DPH3: variants seen among roughly 807,000 people sequenced by gnomAD.
DPH3 encodes diphthamide biosynthesis protein 3.
Under a neutral mutation model 10.2 loss-of-function variants are expected in DPH3, and 8 were observed. The ratio of observed to expected loss-of-function variants is 0.79; its 90% CI spans 0.46 to 1.42. DPH3 has a LOEUF of 1.42. DPH3 is among the 40% of genes most tolerant of loss of function. DPH3 has a pLI of 0.00. For missense variants in DPH3, 96 were observed against 98.9 expected (o/e 0.97, Z 0.12); for synonymous variants, 35 against 35.6 (o/e 0.98, Z 0.06).
chr3:16,264,828 C>G lies in DPH3; in HGVS notation c.49G>C (p.Glu17Gln). The G allele has an allele frequency of 6.2e-7, 1 of 1,614,206 alleles. No individual in the cohort carries two copies. Among genetic ancestry groups the G allele is most frequent in the South Asian group, 1.1e-5 (1 of 91,082 alleles). Residue 17 changes from glutamate (E) to glutamine (Q), a missense_variant, in exon 1 of 3, where the codon GAG (glutamate) becomes CAG (glutamine). Glu to Gln is a conservative substitution (Grantham distance 29). Transcript: ENST00000488423. ...GGATAGAAATACGTCTCCGAGTCCT[C>G]GTCATATTGGAAGTCCTCGATTTCC... Reference protein sequence around the residue: ...EVEIEDFQYDEDSETYFYPCP... With the variant: ...EVEIEDFQYDQDSETYFYPCP...
rs1263502418 is a variant in DPH3 at position 16,258,483 on chromosome 3, T to C, written c.*2281A>G. 6.6e-6 allele frequency: 1 copy of C among 152,240 alleles called. No individual in the cohort carries two copies. Among genetic ancestry groups the C allele is most frequent in the Non-Finnish European group, 1.5e-5 (1 of 68,048 alleles). The allele number at this position is 152,240 out of a possible 1,614,324, so 9.4% of individuals were successfully genotyped here. A position where few individuals can be genotyped will look rare whatever the true frequency, so the allele number is the denominator to read the frequency against. On this transcript the variant is annotated 3_prime_UTR_variant, in exon 3 of 3. Transcript: ENST00000488423. ...GTCGTATCTCAGAGTCCAGTTTTACTCTGCTTTCTCTTTATTTTTTAGGCA... is the reference window on the plus strand; with the variant it reads ...GTCGTATCTCAGAGTCCAGTTTTACCCTGCTTTCTCTTTATTTTTTAGGCA...
In DPH3 at chr3:16,263,818, C is replaced by A. The variant is rs2064333817; in HGVS notation, c.183+337G>T. On this transcript the variant is annotated intron_variant, in intron 2 of 2. Transcript: ENST00000488423. The surrounding 1 kb of genome is among the most constrained non-coding windows in gnomAD (Gnocchi z 4.0). ...TACAATTGTTCCCTTCAAAGTAAGTCTAGCAGCTCTAAACAATTTTAATTA... is the reference window on the plus strand; with the variant it reads ...TACAATTGTTCCCTTCAAAGTAAGTATAGCAGCTCTAAACAATTTTAATTA... Among the ~76,000 whole-genome samples the A allele has an allele frequency of 6.6e-6, 1 of 152,102 alleles. No individual in the cohort carries two copies. Among genetic ancestry groups the A allele is most frequent in the Admixed American group, 6.5e-5 (1 of 15,280 alleles).
rs1243185038 is a variant in DPH3 at position 16,263,845 on chromosome 3, A to G, written c.183+310T>C. Among the ~76,000 whole-genome samples the G allele has an allele frequency of 6.6e-6, 1 of 152,268 alleles. No individual in the cohort carries two copies. The highest frequency in any genetic ancestry group is 1.5e-5 in the Non-Finnish European group (1 of 68,046). ...AGCAGCTCTAAACAATTTTAATTACATATTAAATAGAAGAGAAATATAAAA... is the reference window on the plus strand; with the variant it reads ...AGCAGCTCTAAACAATTTTAATTACGTATTAAATAGAAGAGAAATATAAAA... On this transcript the variant is annotated intron_variant, in intron 2 of 2. Coordinates refer to ENST00000488423, the MANE Select transcript of DPH3 (RefSeq NM_206831.3). The surrounding 1 kb of genome is among the most constrained non-coding windows in gnomAD (Gnocchi z 4.0).
At chr3:16,264,667 G>T in intron 1 of DPH3, 102 bp downstream of exon 1, 5 of 1,129,024 alleles carry the variant, frequency 4.4e-6, no homozygotes, top group South Asian at 2.9e-5. Flanking sequence ...GAAAGAGGGC[G>T]TGGGTGACAC....
rs1036406976 is a variant in DPH3, at chr3:16,259,020, G to C, written c.*1744C>G. 2 of 152,162 alleles carry C rather than the reference G, an allele frequency of 1.3e-5. No homozygotes were observed. Among genetic ancestry groups the C allele is most frequent in the South Asian group, 4.1e-4 (2 of 4,830 alleles). The allele number at this position is 152,162 out of a possible 1,614,324, so 9.4% of individuals were successfully genotyped here. A position where few individuals can be genotyped will look rare whatever the true frequency, so the allele number is the denominator to read the frequency against. On this transcript the variant is annotated 3_prime_UTR_variant, in exon 3 of 3. Coordinates refer to ENST00000488423, the MANE Select transcript of DPH3 (RefSeq NM_206831.3). Reference sequence around the variant, plus strand: ...TATGTTCTTAGCAAACCCACATCAAGGGTGTCTGTTCGTGTTTGAAACTCA... The same window carrying C: ...TATGTTCTTAGCAAACCCACATCAACGGTGTCTGTTCGTGTTTGAAACTCA...
rs1237866590 is a variant in DPH3, at chr3:16,263,547, T to G, written c.183+608A>C. Among the ~76,000 whole-genome samples the G allele has an allele frequency of 2.6e-5, 4 of 152,242 alleles. No individual in the cohort carries two copies. The South Asian group carries it at 8.3e-4, about 32-fold the overall frequency. ...CTCTGTGCCTCATCCCCACTTTCCC[T>G]ATATTCATTTTGGACTTCATCCTTG... On this transcript the variant is annotated intron_variant, in intron 2 of 2. Coordinates refer to ENST00000488423, the MANE Select transcript of DPH3 (RefSeq NM_206831.3). The surrounding 1 kb of genome is among the most constrained non-coding windows in gnomAD (Gnocchi z 4.0).
At chr3:16,264,090 G>A in intron 2 of DPH3, 65 bp downstream of exon 2, 2 of 1,178,394 alleles carry the variant, frequency 1.7e-6, no homozygotes, top group Admixed American at 2.1e-5. Flanking sequence ...TCACTGACAA[G>A]CTGATCTAAG....
rs1476648589 is a variant in DPH3, at chr3:16,260,226, A to T, written c.*538T>A. 6.5e-6 allele frequency: 1 copy of T among 153,072 alleles called. No homozygotes were observed. The highest frequency in any genetic ancestry group is 1.5e-5 in the Non-Finnish European group (1 of 68,632). The allele number at this position is 153,072 out of a possible 1,614,324, so 9.5% of individuals were successfully genotyped here. On this transcript the variant is annotated 3_prime_UTR_variant, in exon 3 of 3. Coordinates refer to ENST00000488423, the MANE Select transcript of DPH3 (RefSeq NM_206831.3). ...GCATTACAGAAATGACACGCTGAAC[A>T]GAACATGTCCATTCTAATGGGAAAA...
chr3:16,264,442 G>A, intron 1 of DPH3: 1 of 543,468 alleles, frequency 1.8e-6, no homozygotes, highest in East Asian at 3.0e-5. Context: ...GGCGAGCTTC[G>A]GTCGCCCCAA....
rs150961605 is a variant in DPH3, at chr3:16,258,793, G to A, written c.*1971C>T. The A allele has an allele frequency of 6.6e-6, 1 of 152,314 alleles. No homozygotes were observed. The highest frequency in any genetic ancestry group is 1.5e-5 in the Non-Finnish European group (1 of 68,022). The allele number at this position is 152,314 out of a possible 1,614,324, so 9.4% of individuals were successfully genotyped here. A position where few individuals can be genotyped will look rare whatever the true frequency, so the allele number is the denominator to read the frequency against. The stretch of plus-strand genomic sequence containing the variant: ...GCTTAACACAGGATTCAATCTTGAT[G>A]TGTTCTCCTACAGTTCACAAACTTA... On this transcript the variant is annotated 3_prime_UTR_variant, in exon 3 of 3. Transcript: ENST00000488423.
rs907918342 is a variant in DPH3 at position 16,261,946 on chromosome 3, C to T, written c.184-1117G>A. Reference sequence around the variant, plus strand: ...CCATATTCCAACCCCTCTGGACCTCCACCATATTCATCCTACCACCCTTTC... The same window carrying T: ...CCATATTCCAACCCCTCTGGACCTCTACCATATTCATCCTACCACCCTTTC... On this transcript the variant is annotated intron_variant, in intron 2 of 2. Coordinates refer to ENST00000488423, the MANE Select transcript of DPH3 (RefSeq NM_206831.3). This position sits in a 1 kb window ranked among gnomAD's most constrained non-coding sequence, Gnocchi z 7.1. 1.3e-5 allele frequency among the ~76,000 whole-genome samples: 2 copies of T among 151,988 alleles called. No individual in the cohort carries two copies. Among genetic ancestry groups the T allele is most frequent in the African/African-American group, 4.8e-5 (2 of 41,324 alleles).
rs1257893364 is a variant in DPH3 at position 16,263,906 on chromosome 3, TAATA to T, written c.183+245_183+248del. Among the ~76,000 whole-genome samples, 2 of 152,228 alleles carry T rather than the reference TAATA, an allele frequency of 1.3e-5. No individual in the cohort carries two copies. Among genetic ancestry groups the T allele is most frequent in the Admixed American group, 6.5e-5 (1 of 15,288 alleles). ...TAAAATAATCTATATACTTTCTATT[TAATA>T]AATAATAATTTTCACTAAAGCTAGA... On this transcript the variant is annotated intron_variant, in intron 2 of 2. Transcript: ENST00000488423. The surrounding 1 kb of genome is among the most constrained non-coding windows in gnomAD (Gnocchi z 4.0).
Position 16,261,551 on chromosome 3 carries a change from G to C in DPH3, c.184-722C>G, listed in dbSNP as rs574412359. Reference sequence around the variant, plus strand: ...ATCCCCAAGAGCACTGGTAATATCTGGAAACAGTTTGAATTGAAACAACTG... The same window carrying C: ...ATCCCCAAGAGCACTGGTAATATCTCGAAACAGTTTGAATTGAAACAACTG... On this transcript the variant is annotated intron_variant, in intron 2 of 2. Coordinates refer to ENST00000488423, the MANE Select transcript of DPH3 (RefSeq NM_206831.3). The surrounding 1 kb of genome is among the most constrained non-coding windows in gnomAD (Gnocchi z 7.1). 2.6e-5 allele frequency among the ~76,000 whole-genome samples: 4 copies of C among 152,216 alleles called. No homozygotes were observed. In the East Asian group the frequency reaches 7.7e-4, roughly 29 times the overall value.
chr3:16,264,263 A>G (rs772305626), intron 1 of DPH3, 34 bp from the exon 2 acceptor site: 153 of 1,552,340 alleles, frequency 9.9e-5, no homozygotes, highest in South Asian at 4.6e-4. Flanking sequence ...TGGTCAGGAT[A>G]GCTTCTCTTC....
Position 16,263,233 on chromosome 3 carries a change from T to C in DPH3, c.183+922A>G, listed in dbSNP as rs960098531. Among the ~76,000 whole-genome samples the C allele has an allele frequency of 6.6e-6, 1 of 152,168 alleles. No individual in the cohort carries two copies. The highest frequency in any genetic ancestry group is 2.4e-5 in the African/African-American group (1 of 41,428). ...TTGTTCCTTGATAAAATCAGGCATG[T>C]TCCTGTCTTAGGTCCCCTTCACTGA... On this transcript the variant is annotated intron_variant, in intron 2 of 2. Coordinates refer to ENST00000488423, the MANE Select transcript of DPH3 (RefSeq NM_206831.3). The surrounding 1 kb of genome is among the most constrained non-coding windows in gnomAD (Gnocchi z 4.0).
chr3:16,264,456 C>G (rs1169099956), intron 1 of DPH3: 1 of 551,650 alleles, frequency 1.8e-6, no homozygotes, highest in African/African-American at 1.9e-5. Context: ...GCCCCAAAAG[C>G]CCTGGGAAAC....
At position 16,264,756 on chromosome 3, in the gene DPH3, A is replaced by G. The variant is rs2064372446; in HGVS notation, c.108+13T>C. On this transcript the variant is annotated intron_variant, in intron 1 of 2. Transcript: ENST00000488423. ...TTGCTTGGGTGAACCGCCGGGCGGGACCCTGAAGTTACCTTGGTGATGGAG... is the reference window on the plus strand; with the variant it reads ...TTGCTTGGGTGAACCGCCGGGCGGGGCCCTGAAGTTACCTTGGTGATGGAG... 6.2e-7 allele frequency: 1 copy of G among 1,613,390 alleles called. No individual in the cohort carries two copies. The highest frequency in any genetic ancestry group is 1.3e-5 in the African/African-American group (1 of 74,912).
rs1391439091 is a variant in DPH3 at position 16,258,322 on chromosome 3, A to G, written c.*2442T>C. ...TCACCTGATCGAGTCTCCTAATTGT[A>G]CAGCTGAAGAATCCAATGGCCTTGC... On this transcript the variant is annotated 3_prime_UTR_variant, in exon 3 of 3. Transcript: ENST00000488423. 1 of 152,176 alleles carries G rather than the reference A, an allele frequency of 6.6e-6. No homozygotes were observed. The highest frequency in any genetic ancestry group is 1.5e-5 in the Non-Finnish European group (1 of 68,044). The allele number at this position is 152,176 out of a possible 1,614,324, so 9.4% of individuals were successfully genotyped here.
chr3:16,264,587 G>A (rs1248187219), intron 1 of DPH3, 182 bp downstream of exon 1: 4 of 640,662 alleles, frequency 6.2e-6, no homozygotes, highest in Non-Finnish European at 1.1e-5. Flanking sequence ...CCAGAACTGC[G>A]TGCCTACCGA....
Sources: gnomAD v4.1 joint callset for allele counts (sites outside exome capture counted in the v4.1 genomes callset) on GRCh38, gnomAD v4.1.1 for gene constraint, Gnocchi (gnomAD v3.1) non-coding constraint, MANE v1.5 for transcripts, NCBI Gene and HGNC (gene_info 2026-07-23, HGNC 2026-07-21) for gene names.